USP6NL: variants seen among roughly 807,000 people sequenced by gnomAD.
USP6NL encodes USP6 N-terminal like.
USP6NL carries 26 observed loss-of-function variants against 61.9 expected under a neutral mutation model. That is an observed-to-expected ratio of 0.42 (90% confidence interval 0.31 to 0.58). USP6NL has a LOEUF of 0.58. USP6NL is among the 20% of genes least tolerant of loss of function. The pLI, the probability that USP6NL is intolerant of heterozygous loss-of-function variation, is 0.16. For synonymous variants in USP6NL, 432 were observed against 390.1 expected, an observed-to-expected ratio of 1.11 and a Z score of -1.27; for missense variants, 1,114 against 1,034.3, an observed-to-expected ratio of 1.08 and a Z score of -1.06.
At position 11,602,386 on chromosome 10, in the gene USP6NL, TA is replaced by T. The variant is rs1185528037; in HGVS notation, c.-83-4670del. On this transcript the variant is annotated intron_variant, in intron 1 of 14. Transcript: ENST00000609104. This position sits in a 1 kb window ranked among gnomAD's most constrained non-coding sequence, Gnocchi z 4.8. ...GGAAGGATTTACTATGTATAATATA[TA>T]ATATGTATTACAATAAATATATAAT... Among the ~76,000 whole-genome samples, 1 of 152,126 alleles carries T rather than the reference TA, an allele frequency of 6.6e-6. No homozygotes were observed. Among genetic ancestry groups the T allele is most frequent in the African/African-American group, 2.4e-5 (1 of 41,428 alleles).
At chr10:11,544,992 A>G (rs1227633893) in intron 2 of USP6NL, among the ~76,000 whole-genome samples, 1 of 152,226 alleles carries the variant, frequency 6.6e-6, no homozygotes, top group East Asian at 1.9e-4. Flanking sequence ...ATAGTTACAC[A>G]CAGTTAACAG....
intron 4 of USP6NL, among the ~76,000 whole-genome samples, chr10:11,521,538 G>C (rs185882352): frequency 5.9e-5 from 9 of 151,546 alleles, no homozygotes; most frequent in Non-Finnish European, 1.0e-4. Flanking sequence ...GCGCCACCAC[G>C]CCTGGCTAAT....
At chr10:11,599,166 G>T (rs1177694703) in intron 1 of USP6NL, among the ~76,000 whole-genome samples, 5 of 152,188 alleles carry the variant, frequency 3.3e-5, no homozygotes, top group Admixed American at 6.5e-5. Flanking sequence ...GAAACTCTGA[G>T]GTAGGACATG....
In USP6NL at chr10:11,462,662, C is replaced by T. The variant is rs368912411; in HGVS notation, c.2266G>A (p.Ala756Thr). Residue 756 changes from alanine to threonine, a missense_variant, in exon 15 of 15, where the codon GCT (alanine) becomes ACT (threonine). Transcript: ENST00000609104. ...TATTTTGGTAAATTGCCACGGCTAG[C>T]ATCTCGGGTCCATGATTGTCCCTGC... is the stretch of plus-strand genomic sequence containing the variant. ...ETQGQSWTRDASRGNLPKYSA... is the reference protein window; with the variant it reads ...ETQGQSWTRDTSRGNLPKYSA... 1.1e-4 allele frequency: 181 copies of T among 1,613,900 alleles called. No homozygotes were observed. Among genetic ancestry groups the T allele is most frequent in the Non-Finnish European group, 1.5e-4 (175 of 1,179,902 alleles).
chr10:11,518,915 T>TA lies in USP6NL; in HGVS notation c.156-342_156-341insT, dbSNP rs1835084438. Among the ~76,000 whole-genome samples, 1 of 152,224 alleles carries TA rather than the reference T, an allele frequency of 6.6e-6. No homozygotes were observed. The highest frequency in any genetic ancestry group is 1.5e-5 in the Non-Finnish European group (1 of 68,042). The stretch of plus-strand genomic sequence containing the variant: ...TGTCACGTAGCTAGAAGCCACCATA[T>TA]TGAACGGTACAGATATAGAACATTT... On this transcript the variant is annotated intron_variant, in intron 4 of 14. Transcript: ENST00000609104. The surrounding 1 kb of genome is among the most constrained non-coding windows in gnomAD (Gnocchi z 5.3).
chr10:11,597,260 TACTC>T lies in USP6NL; in HGVS notation c.4+367_4+370del, dbSNP rs1838361303. ...CCCTTAAATACAATATAACCCATGT[TACTC>T]AATGATTAAATTTCACACAATAAAA... is the stretch of plus-strand genomic sequence containing the variant. On this transcript the variant is annotated intron_variant, in intron 2 of 14. Transcript: ENST00000609104. The surrounding 1 kb of genome is among the most constrained non-coding windows in gnomAD (Gnocchi z 4.6). Among the ~76,000 whole-genome samples the T allele has an allele frequency of 6.6e-6, 1 of 152,228 alleles. No homozygotes were observed. The highest frequency in any genetic ancestry group is 1.5e-5 in the Non-Finnish European group (1 of 68,034).
chr10:11,475,190 T>C (rs1832919425), intron 14 of USP6NL, among the ~76,000 whole-genome samples: 1 of 151,978 alleles, frequency 6.6e-6, no homozygotes, highest in Non-Finnish European at 1.5e-5. Context: ...CTAGGAAGCA[T>C]TTACTCTGCC....
In USP6NL at chr10:11,463,038, G is replaced by T. The variant is rs1477905340; in HGVS notation, c.1890C>A (p.Pro630=). ...DGEARGLAHP[P]SYSNPPVYHG... is the part of the protein sequence containing the mutation. Reference sequence around the variant, plus strand: ...GGTAAACGGGGGGATTGCTGTAGGAGGGGGGATGAGCTAGCCCTCGGGCTT... The same window carrying T: ...GGTAAACGGGGGGATTGCTGTAGGATGGGGGATGAGCTAGCCCTCGGGCTT... Residue 630 remains proline, a synonymous_variant, in exon 15 of 15, where the codon CCC becomes CCA. Coordinates refer to ENST00000609104, the MANE Select transcript of USP6NL (RefSeq NM_014688.5). The surrounding 1 kb of genome is among the most constrained non-coding windows in gnomAD (Gnocchi z 6.3). The T allele has an allele frequency of 6.2e-7, 1 of 1,613,710 alleles. No individual in the cohort carries two copies. The highest frequency in any genetic ancestry group is 8.5e-7 in the Non-Finnish European group (1 of 1,179,754).
chr10:11,502,463 A>T (rs1834242594), intron 6 of USP6NL, among the ~76,000 whole-genome samples: 1 of 152,192 alleles, frequency 6.6e-6, no homozygotes, highest in South Asian at 2.1e-4. Context: ...CTTAAAAATA[A>T]ATGTCCAAAC....
chr10:11,534,647 T>C (rs1039494803), intron 2 of USP6NL, among the ~76,000 whole-genome samples: 1 of 152,192 alleles, frequency 6.6e-6, no homozygotes, highest in Non-Finnish European at 1.5e-5. Flanking sequence ...AAAGTCAGTC[T>C]GACATGACGT....
intron 6 of USP6NL, among the ~76,000 whole-genome samples, chr10:11,508,581 G>A (rs1415775061): frequency 1.3e-5 from 2 of 152,204 alleles, no homozygotes; most frequent in South Asian, 2.1e-4. Context: ...CTCACTCTGT[G>A]TTTTAAAAAG....
In USP6NL at chr10:11,585,294, T is replaced by C. The variant is rs1391450559; in HGVS notation, c.4+12337A>G. On this transcript the variant is annotated intron_variant, in intron 2 of 14. Coordinates refer to ENST00000609104, the MANE Select transcript of USP6NL (RefSeq NM_014688.5). The surrounding 1 kb of genome is among the most constrained non-coding windows in gnomAD (Gnocchi z 4.5). ...CTATGGAAAACAGTATGGCAGTTCC[T>C]TGCAAAATTAAAAAAAAGAATTACA... is the stretch of plus-strand genomic sequence containing the variant. Among the ~76,000 whole-genome samples the C allele has an allele frequency of 6.6e-6, 1 of 152,144 alleles. No homozygotes were observed. The highest frequency in any genetic ancestry group is 6.5e-5 in the Admixed American group (1 of 15,272).
At chr10:11,609,290 C>T (rs1232721245) in intron 1 of USP6NL, among the ~76,000 whole-genome samples, 2 of 152,114 alleles carry the variant, frequency 1.3e-5, no homozygotes, top group East Asian at 1.9e-4. Flanking sequence ...TGGTCTTGAA[C>T]CCCTGACCTC....
chr10:11,466,843 T>G (rs903805310), intron 14 of USP6NL, among the ~76,000 whole-genome samples: 1 of 152,200 alleles, frequency 6.6e-6, no homozygotes, highest in Admixed American at 6.5e-5. Flanking sequence ...TGGAACACAG[T>G]GGTAGGTATT....
chr10:11,528,915 C>T lies in USP6NL; in HGVS notation c.5-1348G>A, dbSNP rs1485385726. Among the ~76,000 whole-genome samples, 1 of 152,132 alleles carries T rather than the reference C, an allele frequency of 6.6e-6. No individual in the cohort carries two copies. The highest frequency in any genetic ancestry group is 1.5e-5 in the Non-Finnish European group (1 of 68,030). On this transcript the variant is annotated intron_variant, in intron 2 of 14. Transcript: ENST00000609104. This position sits in a 1 kb window ranked among gnomAD's most constrained non-coding sequence, Gnocchi z 4.6. ...GCCGGGTGCAGGGTGGAAAACCAAA[C>T]CCTCATTCTCCAAAGCAGGAAACCA...
intron 2 of USP6NL, among the ~76,000 whole-genome samples, chr10:11,557,187 A>G (rs1464408006): frequency 6.6e-6 from 1 of 152,188 alleles, no homozygotes; most frequent in African/African-American, 2.4e-5. Flanking sequence ...TTCATGCTCA[A>G]TCAGCTCATT....
chr10:11,584,563 C>T (rs574899867), intron 2 of USP6NL, among the ~76,000 whole-genome samples: 27 of 152,132 alleles, frequency 1.8e-4, no homozygotes, highest in Non-Finnish European at 3.2e-4. Context: ...TTTCTGAAAC[C>T]TTTTACTACT....
Position 11,518,699 on chromosome 10 carries a change from CCATTCATTGAATT to C in USP6NL, c.156-138_156-126del. 13 of 692,474 alleles carry C rather than the reference CCATTCATTGAATT, an allele frequency of 1.9e-5. No homozygotes were observed. In the South Asian group the frequency reaches 3.0e-4, roughly 16 times the overall value. The allele number at this position is 692,474 out of a possible 1,614,324, so 42.9% of individuals were successfully genotyped here. ...GTCATCACAAGAGTTACATAGGCTT[CCATTCATTGAATT>C]CAATATGAAATGATAGCTACTCTAG... On this transcript the variant is annotated intron_variant, in intron 4 of 14. Transcript: ENST00000609104. The surrounding 1 kb of genome is among the most constrained non-coding windows in gnomAD (Gnocchi z 5.3).
At chr10:11,545,941 T>A (rs917685200) in intron 2 of USP6NL, among the ~76,000 whole-genome samples, 4 of 152,234 alleles carry the variant, frequency 2.6e-5, no homozygotes, top group Non-Finnish European at 5.9e-5. Context: ...TAGTGAGGGA[T>A]TAACATACAC....
Sources: gnomAD v4.1 joint callset for allele counts (sites outside exome capture counted in the v4.1 genomes callset) on GRCh38, gnomAD v4.1.1 for gene constraint, Gnocchi (gnomAD v3.1) non-coding constraint, MANE v1.5 for transcripts, NCBI Gene and HGNC (gene_info 2026-07-23, HGNC 2026-07-21) for gene names.